PDE9A: variants seen among roughly 807,000 people sequenced by gnomAD.
PDE9A encodes the protein high affinity cGMP-specific 3',5'-cyclic phosphodiesterase 9A.
Under a neutral mutation model 87.4 loss-of-function variants are expected in PDE9A, and 60 were observed. The observed-to-expected ratio is 0.69, with a 90% confidence interval of 0.56 to 0.85. The LOEUF (loss-of-function observed/expected upper bound fraction) is 0.85, where lower values mean the gene tolerates loss of function less well. PDE9A is among the 40% of genes least tolerant of loss of function. PDE9A has a pLI of 0.00. For synonymous variants in PDE9A, 272 were observed against 279.4 expected (o/e 0.97, Z 0.27); for missense variants, 665 against 779.0 (o/e 0.85, Z 1.74).
intron 8 of PDE9A, among the ~76,000 whole-genome samples, chr21:42,750,410 A>G (rs940978036): frequency 6.6e-6 from 1 of 152,174 alleles, no homozygotes; most frequent in African/African-American, 2.4e-5. Context: ...TTTCCAGAGT[A>G]TGGGATTTAG....
chr21:42,674,313 A>ATTTTTTTTTTTTTTTT (rs1383235765), intron 1 of PDE9A, among the ~76,000 whole-genome samples: 2 of 92,254 alleles, frequency 2.2e-5, no homozygotes, highest in Non-Finnish European at 4.0e-5. Context: ...GGCTTTAGAC[A>ATTTTTTTTTTTTTTTT]TTCTTTTTTT....
rs1456998242 is a variant in PDE9A at position 42,692,874 on chromosome 21, C to T, written c.218+4880C>T. ...GCCCGCACGCCTTGCTCCTCGCACTCTTCCTGCACCGGAGCCGCGGTGCGA... is the reference window on the plus strand; with the variant it reads ...GCCCGCACGCCTTGCTCCTCGCACTTTTCCTGCACCGGAGCCGCGGTGCGA... On this transcript the variant is annotated intron_variant, in intron 3 of 19. Transcript: ENST00000291539. The surrounding 1 kb of genome is among the most constrained non-coding windows in gnomAD (Gnocchi z 4.3). Among the ~76,000 whole-genome samples, 1 of 152,242 alleles carries T rather than the reference C, an allele frequency of 6.6e-6. No individual in the cohort carries two copies. Among genetic ancestry groups the T allele is most frequent in the Non-Finnish European group, 1.5e-5 (1 of 68,042 alleles).
intron 18 of PDE9A, among the ~76,000 whole-genome samples, chr21:42,771,914 T>G (rs9981362): frequency 0.15 from 22,131 of 152,142 alleles, 1,771 homozygotes; most frequent in African/African-American, 0.22. Context: ...TGAGAGCACT[T>G]ATGCAGAGGG....
chr21:42,710,147 C>T (rs374997329), intron 4 of PDE9A, among the ~76,000 whole-genome samples: 6 of 151,966 alleles, frequency 3.9e-5, no homozygotes, highest in African/African-American at 1.5e-4. Context: ...GTGGCTCACG[C>T]CTGTAATCCC....
At chr21:42,747,390 G>T (rs1490772244) in intron 8 of PDE9A, among the ~76,000 whole-genome samples, 1 of 152,172 alleles carries the variant, frequency 6.6e-6, no homozygotes, top group African/African-American at 2.4e-5. Context: ...GAGAATAAAG[G>T]CCCCAGACAG....
chr21:42,716,767 T>TTTTC (rs2049965854), intron 4 of PDE9A, among the ~76,000 whole-genome samples: 1 of 145,250 alleles, frequency 6.9e-6, no homozygotes, highest in African/African-American at 2.5e-5. Context: ...TTTTTTTTTT[T>TTTTC]TGAGACGGAG....
chr21:42,710,243 A>G (rs187844737), intron 4 of PDE9A, among the ~76,000 whole-genome samples: 2 of 152,108 alleles, frequency 1.3e-5, no homozygotes, highest in African/African-American at 2.4e-5. Flanking sequence ...CCCCATCTCT[A>G]CAAAAAGTGC....
In PDE9A at chr21:42,677,280, T is replaced by C. The variant is rs536133021; in HGVS notation, c.70-8912T>C. ...CAATTGAATAAAGAATGTCAGCCGA[T>C]GTAAGCGATAACAGCAAGACAATGA... On this transcript the variant is annotated intron_variant, in intron 1 of 19. Transcript: ENST00000291539. 5.9e-5 allele frequency among the ~76,000 whole-genome samples: 9 copies of C among 152,378 alleles called. No homozygotes were observed. The East Asian group carries it at 1.3e-3, about 23-fold the overall frequency.
At chr21:42,661,156 G>A (rs1449334531) in intron 1 of PDE9A, among the ~76,000 whole-genome samples, 2 of 151,206 alleles carry the variant, frequency 1.3e-5, no homozygotes, top group Admixed American at 6.6e-5. Context: ...CTCAGCCTCC[G>A]GAGTAGCTGG....
chr21:42,733,865 C>T (rs1569217997), intron 7 of PDE9A: 1 of 162,428 alleles, frequency 6.2e-6, no homozygotes, highest in Non-Finnish European at 1.4e-5. Flanking sequence ...GTCCCCTCCA[C>T]ATCTCACGTT....
chr21:42,653,837 A>G lies in PDE9A; in HGVS notation c.23A>G (p.Tyr8Cys), dbSNP rs765090727. 1.9e-6 allele frequency: 3 copies of G among 1,567,214 alleles called. No homozygotes were observed. The highest frequency in any genetic ancestry group is 2.6e-6 in the Non-Finnish European group (3 of 1,157,782). ...AGGATGGGATCCGGCTCCTCCAGCT[A>G]CCGGCCCAAGGCCATCTACCTGGAC... The part of the protein sequence containing the change: MGSGSSS[Y>C]RPKAIYLDID... Residue 8 changes from tyrosine (Y) to cysteine (C), a missense_variant, in exon 1 of 20, where the codon TAC (tyrosine) becomes TGC (cysteine). Tyr to Cys is a radical substitution (Grantham distance 194). Coordinates refer to ENST00000291539, the MANE Select transcript of PDE9A (RefSeq NM_002606.3).
At chr21:42,729,920 G>T (rs1018169675) in intron 4 of PDE9A, among the ~76,000 whole-genome samples, 38 of 152,172 alleles carry the variant, frequency 2.5e-4, no homozygotes, top group African/African-American at 8.9e-4. Context: ...TATAGCCCAG[G>T]ATATGGTCAA....
chr21:42,662,247 G>A (rs1292394112), intron 1 of PDE9A, among the ~76,000 whole-genome samples: 2 of 152,046 alleles, frequency 1.3e-5, no homozygotes, highest in Non-Finnish European at 2.9e-5. Flanking sequence ...TTGTCAAGTG[G>A]TCCCTGTGCC....
intron 4 of PDE9A, among the ~76,000 whole-genome samples, chr21:42,717,331 C>T (rs1338731192): frequency 9.7e-6 from 1 of 102,664 alleles, no homozygotes; most frequent in Non-Finnish European, 1.8e-5. Context: ...TGATGTCTTG[C>T]TCTGTCGCCC....
chr21:42,689,802 A>C, intron 3 of PDE9A: 1 of 985,416 alleles, frequency 1.0e-6, no homozygotes, highest in African/African-American at 1.7e-5. Context: ...TCTGATAAAG[A>C]GACAGAGACA....
At chr21:42,724,359 T>G (rs1021945817) in intron 4 of PDE9A, among the ~76,000 whole-genome samples, 2 of 152,214 alleles carry the variant, frequency 1.3e-5, no homozygotes, top group African/African-American at 4.8e-5. Flanking sequence ...GGTGCTGTCC[T>G]GAGCACTTGA....
At chr21:42,727,489 A>ATTTTTTTTTTTTTTT (rs58515760) in intron 4 of PDE9A, among the ~76,000 whole-genome samples, 5 of 88,328 alleles carry the variant, frequency 5.7e-5, no homozygotes, top group East Asian at 2.9e-4. Flanking sequence ...ACGCCTGGCT[A>ATTTTTTTTTTTTTTT]TTTTTTTTTT....
chr21:42,737,506 C>A (rs1311281412), intron 7 of PDE9A, among the ~76,000 whole-genome samples: 1 of 152,186 alleles, frequency 6.6e-6, no homozygotes, highest in Non-Finnish European at 1.5e-5. Context: ...TTGGCCCAGG[C>A]TAGAGAGAAG....
At position 42,694,841 on chromosome 21, in the gene PDE9A, C is replaced by G. The variant is rs1474411974; in HGVS notation, c.219-4127C>G. On this transcript the variant is annotated intron_variant, in intron 3 of 19. Transcript: ENST00000291539. This position sits in a 1 kb window ranked among gnomAD's most constrained non-coding sequence, Gnocchi z 5.3. The stretch of plus-strand genomic sequence containing the variant: ...GGCTACAGGACACTCTCCAGCCCCC[C>G]GCATTGGGATGTCTGGCCCCAATCC... Among the ~76,000 whole-genome samples, 4 of 152,216 alleles carry G rather than the reference C, an allele frequency of 2.6e-5. No homozygotes were observed. The highest frequency in any genetic ancestry group is 2.1e-4 in the South Asian group (1 of 4,832).
Sources: gnomAD v4.1 joint callset for allele counts (sites outside exome capture counted in the v4.1 genomes callset) on GRCh38, gnomAD v4.1.1 for gene constraint, Gnocchi (gnomAD v3.1) non-coding constraint, MANE v1.5 for transcripts, NCBI Gene and HGNC (gene_info 2026-07-23, HGNC 2026-07-21) for gene names.